CTNNA3: variants seen among roughly 807,000 people sequenced by gnomAD.
CTNNA3 encodes the protein catenin alpha-3.
Under a neutral mutation model 95.7 loss-of-function variants are expected in CTNNA3, and 76 were observed. The observed-to-expected ratio is 0.79, with a 90% CI of 0.66 to 0.96. The LOEUF is 0.96. Among genes scored for constraint, CTNNA3 ranks in the 40% least tolerant of loss-of-function variants. CTNNA3 has a pLI of 0.00. For synonymous variants in CTNNA3, 431 were observed against 374.4 expected, an observed-to-expected ratio of 1.15 and a Z score of -1.74; for missense variants, 1,191 against 1,089.8, an observed-to-expected ratio of 1.09 and a Z score of -1.31.
chr10:67,174,377 G>A (rs1862147091), intron 7 of CTNNA3, among the ~76,000 whole-genome samples: 1 of 152,052 alleles, frequency 6.6e-6, no homozygotes, highest in Non-Finnish European at 1.5e-5. Flanking sequence ...TTTCCCCAAT[G>A]AGCACTGCAC....
At chr10:67,222,591 T>C (rs2132273023) in intron 5 of CTNNA3, among the ~76,000 whole-genome samples, 1 of 152,362 alleles carries the variant, frequency 6.6e-6, no homozygotes, top group South Asian at 2.1e-4. Flanking sequence ...GTGATTTTTG[T>C]ATTTCCCACA....
At chr10:66,947,469 T>C (rs529287821) in intron 7 of CTNNA3, among the ~76,000 whole-genome samples, 74 of 152,262 alleles carry the variant, frequency 4.9e-4, no homozygotes, top group African/African-American at 1.7e-3. Flanking sequence ...ATAACTTTAT[T>C]TTAAAATGTG....
chr10:67,749,644 C>A (rs1483212582), intron 1 of CTNNA3, among the ~76,000 whole-genome samples: 2 of 152,174 alleles, frequency 1.3e-5, no homozygotes, highest in Non-Finnish European at 2.9e-5. Flanking sequence ...ACCAGAATTT[C>A]TGGGATGCAG....
intron 5 of CTNNA3, among the ~76,000 whole-genome samples, chr10:67,430,923 C>T (rs1156765933): frequency 6.6e-6 from 1 of 151,106 alleles, no homozygotes; most frequent in African/African-American, 2.4e-5. Context: ...TTGTCCCCAG[C>T]CTAAAGATAT....
intron 15 of CTNNA3, among the ~76,000 whole-genome samples, chr10:66,006,378 A>AC (rs896722678): frequency 4.7e-5 from 7 of 149,572 alleles, no homozygotes; most frequent in Admixed American, 2.7e-4. Context: ...CCTCACCAAC[A>AC]CCCCCCCACA....
intron 5 of CTNNA3, among the ~76,000 whole-genome samples, chr10:67,226,491 A>G (rs1864921266): frequency 2.0e-5 from 3 of 152,180 alleles, no homozygotes; most frequent in Non-Finnish European, 4.4e-5. Context: ...CAGGTAACCT[A>G]CAAAGGAAAA....
In CTNNA3 at chr10:67,339,106, G is replaced by C. The variant is rs188946278; in HGVS notation, c.580-119236C>G. Among the ~76,000 whole-genome samples the C allele has an allele frequency of 1.9e-3, 290 of 152,260 alleles. 2 individuals are homozygous for C. Among genetic ancestry groups the C allele is most frequent in the African/African-American group, 6.7e-3 (279 of 41,544 alleles). On this transcript the variant is annotated intron_variant, in intron 5 of 17. Transcript: ENST00000433211. ...AGTGGCTGAGTTGCAAAAATCCTTG[G>C]AGAGGCTCTAGACCAGGTACTGGTT... is the stretch of plus-strand genomic sequence containing the variant.
At chr10:67,281,048 T>A (rs1839380994) in intron 5 of CTNNA3, among the ~76,000 whole-genome samples, 1 of 152,174 alleles carries the variant, frequency 6.6e-6, no homozygotes, top group African/African-American at 2.4e-5. Context: ...TTTTTACGTT[T>A]GACATTTTCA....
intron 9 of CTNNA3, among the ~76,000 whole-genome samples, chr10:66,691,361 C>T (rs979105716): frequency 1.3e-5 from 2 of 152,150 alleles, no homozygotes; most frequent in Non-Finnish European, 2.9e-5. Context: ...TCATTGCTGG[C>T]ACAGCAGACT....
intron 1 of CTNNA3, among the ~76,000 whole-genome samples, chr10:67,727,622 T>C (rs185267530): frequency 0.015 from 1,928 of 129,420 alleles, 54 homozygotes; most frequent in African/African-American, 0.053. Context: ...ATGCAATATA[T>C]GGTCTATTAT....
At chr10:67,292,136 GT>G (rs1309199387) in intron 5 of CTNNA3, among the ~76,000 whole-genome samples, 1 of 152,148 alleles carries the variant, frequency 6.6e-6, no homozygotes, top group East Asian at 1.9e-4. Flanking sequence ...GCGGGTGGGG[GT>G]CTTAAGACCT....
At chr10:66,497,168 A>G (rs1835924268) in intron 11 of CTNNA3, among the ~76,000 whole-genome samples, 1 of 152,090 alleles carries the variant, frequency 6.6e-6, no homozygotes, top group African/African-American at 2.4e-5. Flanking sequence ...TTGGGTGGAG[A>G]CATAATTCAG....
intron 5 of CTNNA3, among the ~76,000 whole-genome samples, chr10:67,426,601 A>T (rs1845931180): frequency 6.6e-6 from 1 of 152,048 alleles, no homozygotes; most frequent in Non-Finnish European, 1.5e-5. Context: ...ATGGGAATTG[A>T]ACAATGAGAA....
chr10:67,642,934 G>C (rs150124578), intron 2 of CTNNA3, among the ~76,000 whole-genome samples: 17,654 of 148,068 alleles, frequency 0.12, 1,972 homozygotes, highest in African/African-American at 0.29. Flanking sequence ...AGACCTAGAT[G>C]CAGAAATACC....
intron 13 of CTNNA3, among the ~76,000 whole-genome samples, chr10:66,107,675 T>C (rs138430098): frequency 1.2e-3 from 183 of 152,200 alleles, no homozygotes; most frequent in Middle Eastern, 6.8e-3. Context: ...ATAGACATTA[T>C]CTCACTAATC....
intron 15 of CTNNA3, among the ~76,000 whole-genome samples, chr10:66,035,058 T>C (rs1413493755): frequency 6.6e-6 from 1 of 152,156 alleles, no homozygotes; most frequent in Non-Finnish European, 1.5e-5. Flanking sequence ...TGTTTGAATC[T>C]CAGTGCTATT....
At chr10:67,047,076 C>T (rs957356891) in intron 7 of CTNNA3, among the ~76,000 whole-genome samples, 2 of 152,122 alleles carry the variant, frequency 1.3e-5, no homozygotes, top group Admixed American at 1.3e-4. Context: ...TCTGCTTATC[C>T]AGAGATGAGT....
chr10:66,831,052 T>C (rs1043748075), intron 7 of CTNNA3, among the ~76,000 whole-genome samples: 1 of 152,204 alleles, frequency 6.6e-6, no homozygotes, highest in African/African-American at 2.4e-5. Context: ...TCCAAAGCTT[T>C]ACTCCCATGA....
At chr10:66,385,117 C>A (rs1418268509) in intron 11 of CTNNA3, among the ~76,000 whole-genome samples, 1 of 152,068 alleles carries the variant, frequency 6.6e-6, no homozygotes, top group African/African-American at 2.4e-5. Context: ...GAGATAGAGA[C>A]ACAAAAACCC....
Sources: allele counts gnomAD v4.1 joint callset (sites outside exome capture counted in the v4.1 genomes callset), GRCh38; gene constraint gnomAD v4.1.1; transcripts MANE v1.5; gene names NCBI Gene and HGNC (gene_info 2026-07-23, HGNC 2026-07-21).